CAMKMT: variants seen among roughly 807,000 people sequenced by gnomAD.
CAMKMT encodes calmodulin-lysine N-methyltransferase, also known as CaM KMT.
Under a neutral mutation model 48.0 loss-of-function variants are expected in CAMKMT, and 53 were observed. The observed-to-expected ratio is 1.10, with a 90% CI of 0.89 to 1.39. CAMKMT has a LOEUF of 1.39. CAMKMT is among the 40% of genes most tolerant of loss of function. The probability of loss-of-function intolerance (pLI) is 0.00; values close to 1 mark genes in which losing one functional copy is unlikely to be tolerated. For missense variants in CAMKMT, 428 were observed against 402.7 expected (o/e 1.06, Z -0.54); for synonymous variants, 165 against 152.3 (o/e 1.08, Z -0.61).
At chr2:44,611,432 C>T (rs1184581469) in intron 3 of CAMKMT, among the ~76,000 whole-genome samples, 5 of 149,930 alleles carry the variant, frequency 3.3e-5, no homozygotes. Flanking sequence ...AGACTTTGTC[C>T]CCAAAAGAAA....
intron 3 of CAMKMT, among the ~76,000 whole-genome samples, chr2:44,529,158 G>A (rs564431544): frequency 6.6e-6 from 1 of 152,258 alleles, no homozygotes; most frequent in South Asian, 2.1e-4. Flanking sequence ...TGGTTCACTA[G>A]CATCCTCCAA....
At chr2:44,755,887 C>T (rs766596747) in intron 9 of CAMKMT, among the ~76,000 whole-genome samples, 20 of 152,260 alleles carry the variant, frequency 1.3e-4, no homozygotes, top group Non-Finnish European at 2.2e-4. Flanking sequence ...ATGAGAGGAA[C>T]AGGGAGGCCA....
intron 3 of CAMKMT, among the ~76,000 whole-genome samples, chr2:44,635,458 C>T (rs1048805482): frequency 6.6e-6 from 1 of 151,998 alleles, no homozygotes; most frequent in African/African-American, 2.4e-5. Flanking sequence ...GTAAAATACA[C>T]CAAAAAATAT....
chr2:44,425,853 C>T (rs1684243394), intron 3 of CAMKMT, among the ~76,000 whole-genome samples: 1 of 152,120 alleles, frequency 6.6e-6, no homozygotes, highest in African/African-American at 2.4e-5. Flanking sequence ...GCCTCAGCCT[C>T]CCAAGTAGCT....
intron 3 of CAMKMT, among the ~76,000 whole-genome samples, chr2:44,608,538 G>A (rs562999258): frequency 6.6e-6 from 1 of 152,026 alleles, no homozygotes; most frequent in African/African-American, 2.4e-5. Flanking sequence ...TCTTGTGTTG[G>A]GAACATTCAG....
At chr2:44,670,274 G>A (rs1029222317) in intron 3 of CAMKMT, among the ~76,000 whole-genome samples, 4 of 152,046 alleles carry the variant, frequency 2.6e-5, no homozygotes, top group Non-Finnish European at 5.9e-5. Flanking sequence ...GTGGTTCCTG[G>A]AGAGCTCATT....
chr2:44,572,512 A>G (rs1202060698), intron 3 of CAMKMT, among the ~76,000 whole-genome samples: 1 of 152,114 alleles, frequency 6.6e-6, no homozygotes. Flanking sequence ...TTAATACTAT[A>G]TTTTGTCAGT....
intron 3 of CAMKMT, among the ~76,000 whole-genome samples, chr2:44,542,496 TACAC>T (rs371102222): frequency 0.017 from 2,222 of 134,078 alleles, 31 homozygotes; most frequent in African/African-American, 0.042. Context: ...CACATACACA[TACAC>T]ACACACACAC....
intron 3 of CAMKMT, among the ~76,000 whole-genome samples, chr2:44,405,406 G>A (rs1682713729): frequency 2.6e-5 from 4 of 152,024 alleles, no homozygotes; most frequent in Admixed American, 2.6e-4. Flanking sequence ...CTGGAGGGAT[G>A]TCCAAGATGT....
intron 3 of CAMKMT, among the ~76,000 whole-genome samples, chr2:44,475,626 AT>A: frequency 6.6e-6 from 1 of 152,254 alleles, no homozygotes; most frequent in South Asian, 2.1e-4. Context: ...ATAAGTAGAA[AT>A]TTTTGAAAGG....
intron 3 of CAMKMT, among the ~76,000 whole-genome samples, chr2:44,441,464 C>G (rs1245530437): frequency 1.3e-5 from 2 of 152,156 alleles, no homozygotes; most frequent in East Asian, 1.9e-4. Flanking sequence ...TCTGCTTTCT[C>G]TCATGGCACA....
chr2:44,623,738 C>T (rs1044827611), intron 3 of CAMKMT, among the ~76,000 whole-genome samples: 4 of 152,058 alleles, frequency 2.6e-5, no homozygotes, highest in African/African-American at 9.7e-5. Flanking sequence ...AAACACCACT[C>T]CAATCAAGTT....
intron 3 of CAMKMT, among the ~76,000 whole-genome samples, chr2:44,437,824 G>A (rs1666365358): frequency 1.6e-5 from 2 of 126,824 alleles, no homozygotes; most frequent in South Asian, 2.7e-4. Flanking sequence ...AGGCAACAGA[G>A]CAAGACTCTG....
Position 44,678,295 on chromosome 2 carries a change from G to A in CAMKMT, c.377-25988G>A, listed in dbSNP as rs557077760. Among the ~76,000 whole-genome samples, 79 of 152,184 alleles carry A rather than the reference G, an allele frequency of 5.2e-4. 1 individual carries two copies. The highest frequency in any genetic ancestry group is 1.1e-3 in the Admixed American group (17 of 15,286). ...TTAAGTAAATAGGTAGTGAAATGGG[G>A]ATGGTGCTAGTTCTTCATCTTGTGT... On this transcript the variant is annotated intron_variant, in intron 3 of 10. Transcript: ENST00000378494.
intron 3 of CAMKMT, among the ~76,000 whole-genome samples, chr2:44,666,279 T>C (rs990334633): frequency 5.3e-5 from 8 of 152,252 alleles, no homozygotes; most frequent in African/African-American, 1.9e-4. Context: ...TCATTGATTT[T>C]CTAAAAAATA....
At chr2:44,690,172 T>C (rs1402692230) in intron 3 of CAMKMT, among the ~76,000 whole-genome samples, 1 of 152,202 alleles carries the variant, frequency 6.6e-6, no homozygotes, top group African/African-American at 2.4e-5. Context: ...AAATAAAATA[T>C]TTTAACCAAT....
At chr2:44,425,973 C>T (rs892132137) in intron 3 of CAMKMT, among the ~76,000 whole-genome samples, 8 of 152,134 alleles carry the variant, frequency 5.3e-5, no homozygotes, top group African/African-American at 1.7e-4. Context: ...TCAGGTGATC[C>T]ACCCGCCTTG....
At chr2:44,457,120 A>G (rs1667603856) in intron 3 of CAMKMT, 1 of 152,204 alleles carries the variant, frequency 6.6e-6, no homozygotes, top group African/African-American at 2.4e-5. Flanking sequence ...AAACTGTGAA[A>G]AGTCTCCTTT....
intron 3 of CAMKMT, among the ~76,000 whole-genome samples, chr2:44,556,127 AT>A (rs1330954724): frequency 5.3e-5 from 8 of 151,758 alleles, no homozygotes; most frequent in Non-Finnish European, 8.8e-5. Context: ...AATTTTTTTT[AT>A]TTTTTATTTT....
Sources: allele counts gnomAD v4.1 joint callset (sites outside exome capture counted in the v4.1 genomes callset), GRCh38; gene constraint gnomAD v4.1.1; transcripts MANE v1.5; gene names NCBI Gene and HGNC (gene_info 2026-07-23, HGNC 2026-07-21).